ST7: variants seen among roughly 807,000 people sequenced by gnomAD.
ST7 encodes suppressor of tumorigenicity 7 protein.
In ST7, 28 loss-of-function variants were observed where a neutral mutation model predicts 78.7. The observed-to-expected ratio is 0.36, with a 90% confidence interval of 0.26 to 0.49. ST7 has a LOEUF of 0.49. Among genes scored for constraint, ST7 ranks in the 20% least tolerant of loss-of-function variants. ST7 has a pLI of 0.99. For missense variants in ST7, 418 were observed against 696.0 expected, an observed-to-expected ratio of 0.60 and a Z score of 4.49; for synonymous variants, 247 against 249.6, an observed-to-expected ratio of 0.99 and a Z score of 0.10.
At chr7:117,134,081 T>A in intron 6 of ST7, 43 bp from the exon 7 acceptor site, 1 of 1,607,732 alleles carries the variant, frequency 6.2e-7, no homozygotes, top group Non-Finnish European at 8.5e-7. Flanking sequence ...TGAATGTTCC[T>A]ATCAATTTTC....
intron 1 of ST7, chr7:116,959,607 TTG>T (rs1213485250): frequency 5.6e-6 from 1 of 179,024 alleles, no homozygotes; most frequent in Non-Finnish European, 1.2e-5. Flanking sequence ...CAGCTTTAGA[TTG>T]TGGTCAGAGG....
intron 3 of ST7, among the ~76,000 whole-genome samples, chr7:117,120,634 C>T (rs998194495): frequency 3.3e-5 from 5 of 152,200 alleles, no homozygotes; most frequent in Non-Finnish European, 7.3e-5. Flanking sequence ...ATCCAAATCA[C>T]TATCCAAATC....
chr7:116,959,078 G>T, intron 1 of ST7: 1 of 428,938 alleles, frequency 2.3e-6, no homozygotes, highest in Non-Finnish European at 4.6e-6. Context: ...CAGAATTGGA[G>T]TCAATTTTAT....
chr7:117,084,775 C>G (rs1800019137), intron 1 of ST7, among the ~76,000 whole-genome samples: 1 of 152,004 alleles, frequency 6.6e-6, no homozygotes, highest in Non-Finnish European at 1.5e-5. Context: ...AGTTCAAGTA[C>G]CAATAATAAT....
chr7:116,976,254 ACT>A (rs1408094439), intron 1 of ST7, among the ~76,000 whole-genome samples: 2 of 152,100 alleles, frequency 1.3e-5, no homozygotes, highest in Non-Finnish European at 2.9e-5. Context: ...ACAGAGCAAG[ACT>A]CTCTCAAACA....
rs140065630 is a variant in ST7, at chr7:116,956,758, G to T, written c.151+3067G>T. 1.2e-3 allele frequency: 526 copies of T among 424,288 alleles called. 4 individuals are homozygous for T. Among genetic ancestry groups the T allele is most frequent in the African/African-American group, 0.01 (487 of 48,384 alleles). The allele number at this position is 424,288 out of a possible 1,614,324, so 26.3% of individuals were successfully genotyped here. ...CTTAACTCGATTTTTTTTTAATTTA[G>T]ATGCCTCCTAATGTACTATAACAGG... is the stretch of plus-strand genomic sequence containing the variant. On this transcript the variant is annotated intron_variant, in intron 1 of 15. Transcript: ENST00000323984.
intron 1 of ST7, among the ~76,000 whole-genome samples, chr7:117,094,919 A>T (rs1563076491): frequency 6.6e-6 from 1 of 151,616 alleles, no homozygotes; most frequent in Non-Finnish European, 1.5e-5. Flanking sequence ...AATAACTTTT[A>T]TTTTTTTTCC....
chr7:117,228,391 T>C (rs1234322875), intron 15 of ST7, among the ~76,000 whole-genome samples: 1 of 152,248 alleles, frequency 6.6e-6, no homozygotes, highest in Non-Finnish European at 1.5e-5. Flanking sequence ...CTACACCCCT[T>C]TATATTTCAC....
chr7:117,001,413 C>T (rs1242502322), intron 1 of ST7, among the ~76,000 whole-genome samples: 3 of 152,228 alleles, frequency 2.0e-5, no homozygotes, highest in African/African-American at 7.2e-5. Context: ...GTCCCTGGAG[C>T]TCAGGTGTCC....
intron 9 of ST7, among the ~76,000 whole-genome samples, chr7:117,150,023 G>T (rs1000285002): frequency 2.0e-5 from 3 of 152,076 alleles, no homozygotes; most frequent in African/African-American, 4.8e-5. Context: ...AGTGTTTCTG[G>T]GATCAGGTTG....
chr7:117,006,242 T>C (rs1427497912), intron 1 of ST7, among the ~76,000 whole-genome samples: 3 of 152,272 alleles, frequency 2.0e-5, no homozygotes, highest in African/African-American at 7.2e-5. Flanking sequence ...GTTATGAATC[T>C]GTCATCCTCT....
chr7:116,980,479 G>A (rs557134848), intron 1 of ST7, among the ~76,000 whole-genome samples: 17 of 151,924 alleles, frequency 1.1e-4, no homozygotes, highest in Non-Finnish European at 2.4e-4. Flanking sequence ...AGTTTTACTC[G>A]ATGCTTGATG....
Position 117,164,750 on chromosome 7 carries a change from T to G in ST7, c.964-6112T>G, listed in dbSNP as rs376183866. Among the ~76,000 whole-genome samples the G allele has an allele frequency of 8.5e-5, 13 of 152,146 alleles. 1 individual carries two copies. The highest frequency in any genetic ancestry group is 5.9e-4 in the Admixed American group (9 of 15,262). On this transcript the variant is annotated intron_variant, in intron 9 of 15. Transcript: ENST00000323984. The stretch of plus-strand genomic sequence containing the variant: ...GGCAACATAGAAACTAGGGTTCTGA[T>G]GTGTTGAAATTTGGACTCAGTGCTG...
At chr7:116,985,297 G>A (rs188827527) in intron 1 of ST7, among the ~76,000 whole-genome samples, 16 of 152,244 alleles carry the variant, frequency 1.1e-4, no homozygotes, top group East Asian at 7.7e-4. Context: ...TATGGTATTC[G>A]TATTTTTGAA....
intron 1 of ST7, among the ~76,000 whole-genome samples, chr7:117,092,646 T>C (rs1800722481): frequency 6.6e-6 from 1 of 152,194 alleles, no homozygotes; most frequent in Non-Finnish European, 1.5e-5. Flanking sequence ...TATTATCACA[T>C]GGAAAAATAC....
intron 1 of ST7, among the ~76,000 whole-genome samples, chr7:117,075,606 C>T (rs1220225375): frequency 6.6e-6 from 1 of 152,168 alleles, no homozygotes; most frequent in Non-Finnish European, 1.5e-5. Flanking sequence ...TTCCTGCTTC[C>T]AGGCCTGTCT....
intron 1 of ST7, among the ~76,000 whole-genome samples, chr7:117,081,892 T>TGAGAGA (rs142782899): frequency 0.06 from 8,836 of 146,994 alleles, 333 homozygotes; most frequent in East Asian, 0.14. Context: ...AAATAGAGAT[T>TGAGAGA]GAGAGAGAGA....
intron 13 of ST7, among the ~76,000 whole-genome samples, chr7:117,213,827 A>G (rs1792477723): frequency 6.6e-6 from 1 of 152,220 alleles, no homozygotes; most frequent in Non-Finnish European, 1.5e-5. Context: ...AGTTCATTAC[A>G]TAGCTGCCAC....
intron 9 of ST7, among the ~76,000 whole-genome samples, chr7:117,142,316 T>G (rs993655943): frequency 1.3e-5 from 2 of 152,084 alleles, no homozygotes; most frequent in African/African-American, 2.4e-5. Flanking sequence ...AAAGCTGCTG[T>G]GCTTCAGTCA....
Sources: allele counts gnomAD v4.1 joint callset (sites outside exome capture counted in the v4.1 genomes callset), GRCh38; gene constraint gnomAD v4.1.1; transcripts MANE v1.5; gene names NCBI Gene and HGNC (gene_info 2026-07-23, HGNC 2026-07-21).